The following SOX5 variants were observed in gnomAD, a reference collection of about 807,000 sequenced individuals.
SOX5 encodes the protein transcription factor SOX-5.
SOX5 carries 9 observed loss-of-function variants against 92.0 expected under a neutral mutation model. The ratio of observed to expected loss-of-function variants is 0.10; its 90% CI spans 0.06 to 0.17. The LOEUF (loss-of-function observed/expected upper bound fraction) is 0.17, where lower values mean the gene tolerates loss of function less well. Ranked by LOEUF, SOX5 falls within the 10% of genes least tolerant of loss-of-function variation. SOX5 has a pLI of 1.00. For missense variants in SOX5, 642 were observed against 944.5 expected (o/e 0.68, Z 4.20); for synonymous variants, 344 against 336.3 (o/e 1.02, Z -0.25).
At chr12:24,387,249 A>T (rs1454219956) in intron 1 of SOX5, among the ~76,000 whole-genome samples, 5 of 152,212 alleles carry the variant, frequency 3.3e-5, no homozygotes. Flanking sequence ...CTCACATATC[A>T]GTTTCATCCT....
chr12:24,144,126 ACAG>A (rs2138707228), intron 4 of SOX5, among the ~76,000 whole-genome samples: 1 of 152,288 alleles, frequency 6.6e-6, no homozygotes, highest in African/African-American at 2.4e-5. Context: ...ACAGAGCATG[ACAG>A]CAGATTTCTC....
intron 3 of SOX5, among the ~76,000 whole-genome samples, chr12:23,835,489 G>T (rs528225484): frequency 6.6e-6 from 1 of 151,350 alleles, no homozygotes; most frequent in South Asian, 2.1e-4. Context: ...CAATTATTTC[G>T]CCCTCAGACA....
At chr12:24,001,661 A>AT (rs143481439) in intron 4 of SOX5, among the ~76,000 whole-genome samples, 36,864 of 152,070 alleles carry the variant, frequency 0.24, 4,609 homozygotes, top group Middle Eastern at 0.35. Context: ...CTACAAAAAA[A>AT]TTTTAAAAAT....
intron 4 of SOX5, among the ~76,000 whole-genome samples, chr12:23,750,721 GT>G (rs2094154220): frequency 6.6e-6 from 1 of 151,790 alleles, no homozygotes. Flanking sequence ...GATTAAATAT[GT>G]AAGAGTTTAG....
At chr12:24,326,453 C>G (rs1396008611) in intron 2 of SOX5, among the ~76,000 whole-genome samples, 1 of 34,292 alleles carries the variant, frequency 2.9e-5, no homozygotes, top group Admixed American at 4.7e-4. Context: ...TTTGATCGCA[C>G]TTGTGTATGT....
intron 1 of SOX5, among the ~76,000 whole-genome samples, chr12:24,452,777 A>G (rs578223274): frequency 1.3e-3 from 191 of 152,336 alleles, no homozygotes; most frequent in African/African-American, 4.3e-3. Flanking sequence ...AAGGACCTCA[A>G]AATTCCCAAG....
At chr12:23,561,792 G>A (rs1480303567) in intron 11 of SOX5, among the ~76,000 whole-genome samples, 1 of 143,776 alleles carries the variant, frequency 7.0e-6, no homozygotes, top group Non-Finnish European at 1.5e-5. Context: ...GATAGGTAGA[G>A]TTGTCTCTGC....
chr12:24,230,263 C>T (rs1169047662), intron 3 of SOX5, among the ~76,000 whole-genome samples: 3 of 152,028 alleles, frequency 2.0e-5, no homozygotes, highest in African/African-American at 4.8e-5. Flanking sequence ...AAAGACTTCC[C>T]GTCATTAGCT....
chr12:24,146,975 G>A (rs1179117703), intron 4 of SOX5, among the ~76,000 whole-genome samples: 5 of 151,898 alleles, frequency 3.3e-5, no homozygotes, highest in African/African-American at 9.7e-5. Context: ...TTTTTAAATG[G>A]GATGATAGTA....
chr12:23,567,840 A>T (rs947315953), intron 10 of SOX5, among the ~76,000 whole-genome samples: 1 of 152,266 alleles, frequency 6.6e-6, no homozygotes, highest in Non-Finnish European at 1.5e-5. Context: ...TTAACTAAAA[A>T]GTCTCCTTAT....
At chr12:24,303,657 A>G (rs567687837) in intron 2 of SOX5, among the ~76,000 whole-genome samples, 5 of 152,344 alleles carry the variant, frequency 3.3e-5, no homozygotes, top group Middle Eastern at 3.4e-3. Flanking sequence ...GCATTAAATA[A>G]TTGTGTTTCT....
intron 1 of SOX5, among the ~76,000 whole-genome samples, chr12:24,543,118 T>C (rs1447283967): frequency 6.6e-6 from 1 of 152,190 alleles, no homozygotes; most frequent in East Asian, 1.9e-4. Flanking sequence ...TTGTGATTTT[T>C]AAAAGAATGA....
intron 1 of SOX5, among the ~76,000 whole-genome samples, chr12:24,553,391 C>CT (rs1374598994): frequency 6.6e-6 from 1 of 152,158 alleles, no homozygotes; most frequent in Non-Finnish European, 1.5e-5. Flanking sequence ...ATCTAGCACC[C>CT]CTCCTGGAAC....
chr12:24,429,126 G>A (rs375583470), intron 1 of SOX5, among the ~76,000 whole-genome samples: 36 of 152,114 alleles, frequency 2.4e-4, no homozygotes, highest in African/African-American at 8.7e-4. Flanking sequence ...GACCATCCTG[G>A]CTAACACGGT....
At chr12:23,878,602 G>A (rs1341182183) in intron 2 of SOX5, among the ~76,000 whole-genome samples, 1 of 151,512 alleles carries the variant, frequency 6.6e-6, no homozygotes, top group African/African-American at 2.4e-5. Flanking sequence ...CTTTTTGCTT[G>A]TCTTTTTAAA....
At chr12:24,496,520 T>G (rs1947652622) in intron 1 of SOX5, among the ~76,000 whole-genome samples, 1 of 152,150 alleles carries the variant, frequency 6.6e-6, no homozygotes, top group Non-Finnish European at 1.5e-5. Flanking sequence ...TTACCCTAAC[T>G]TCGCAATTTC....
chr12:24,196,698 G>A (rs1330077304), intron 4 of SOX5, among the ~76,000 whole-genome samples: 9 of 152,116 alleles, frequency 5.9e-5, no homozygotes, highest in African/African-American at 2.2e-4. Flanking sequence ...GAGCCCAGGA[G>A]TTCAAGAACA....
chr12:24,048,381 TG>T (rs1264314570), intron 4 of SOX5, among the ~76,000 whole-genome samples: 2 of 152,194 alleles, frequency 1.3e-5, no homozygotes, highest in Admixed American at 6.5e-5. Context: ...AGTCCAACTG[TG>T]TTCCTTATCT....
chr12:23,649,097 G>A (rs928406927), intron 7 of SOX5, among the ~76,000 whole-genome samples: 4 of 151,960 alleles, frequency 2.6e-5, no homozygotes, highest in African/African-American at 9.7e-5. Context: ...TTACAACAAA[G>A]TGAATACAAA....
Sources: gnomAD v4.1 joint callset for allele counts (sites outside exome capture counted in the v4.1 genomes callset) on GRCh38, gnomAD v4.1.1 for gene constraint, MANE v1.5 for transcripts, NCBI Gene and HGNC (gene_info 2026-07-23, HGNC 2026-07-21) for gene names.